Variants in PHGDH observed in about 807,000 individuals in gnomAD.
PHGDH encodes the protein phosphoglycerate dehydrogenase.
PHGDH carries 50 observed loss-of-function variants against 52.6 expected under a neutral mutation model. The ratio of observed to expected loss-of-function variants is 0.95; its 90% CI spans 0.76 to 1.20. PHGDH has a LOEUF of 1.20. Ranked by LOEUF, PHGDH falls within the 50% of genes most tolerant of loss-of-function variation. The probability of loss-of-function intolerance (pLI) is 0.00; values close to 1 mark genes in which losing one functional copy is unlikely to be tolerated. For synonymous variants in PHGDH, 271 were observed against 280.5 expected, an observed-to-expected ratio of 0.97 and a Z score of 0.34; for missense variants, 630 against 684.6, an observed-to-expected ratio of 0.92 and a Z score of 0.89.
At chr1:119,725,646 C>G (rs942950428) in intron 3 of PHGDH, among the ~76,000 whole-genome samples, 2 of 152,208 alleles carry the variant, frequency 1.3e-5, no homozygotes, top group Non-Finnish European at 2.9e-5. Context: ...GCCTTACCCT[C>G]AGATGGAGAT....
At chr1:119,723,079 C>G (rs1044897373) in intron 2 of PHGDH, among the ~76,000 whole-genome samples, 2 of 152,128 alleles carry the variant, frequency 1.3e-5, no homozygotes, top group Non-Finnish European at 2.9e-5. Flanking sequence ...GAACCACACA[C>G]AAATCTGATC....
Position 119,734,706 on chromosome 1 carries a change from G to A in PHGDH, c.583G>A (p.Glu195Lys). The change falls in exon 6 of 12, where the codon GAG becomes AAG. Residue 195 changes from glutamate to lysine, a missense_variant. Transcript: ENST00000641023. ...SFGVQQLPLE[E>K]IWPLCDFITV... ...TGGTGTTCAGCAGCTGCCCCTGGAG[G>A]AGATCTGGCCTCTCTGTGATTTCAT... 6.2e-7 allele frequency: 1 copy of A among 1,613,946 alleles called. No individual in the cohort carries two copies. Among genetic ancestry groups the A allele is most frequent in the South Asian group, 1.1e-5 (1 of 91,072 alleles).
chr1:119,723,542 C>T lies in PHGDH; in HGVS notation c.356+101C>T, dbSNP rs587755758. 3.7e-5 allele frequency: 33 copies of T among 899,458 alleles called. No individual in the cohort carries two copies. The Admixed American group carries it at 5.7e-4, about 16-fold the overall frequency. 55.7% of individuals were successfully genotyped at this position (899,458 alleles called of 1,614,324 possible). ...AGAAAAACTTAGAAACATTTCGTCT[C>T]AGCGACTTGCAGACTGCTAAGAAGG... On this transcript the variant is annotated intron_variant, in intron 3 of 11. Transcript: ENST00000641023.
intron 5 of PHGDH, among the ~76,000 whole-genome samples, chr1:119,728,275 C>T (rs1332440891): frequency 6.6e-6 from 1 of 152,118 alleles, no homozygotes; most frequent in Non-Finnish European, 1.5e-5. Context: ...GTGCTTGTGT[C>T]CTGCCCATTC....
chr1:119,741,232 G>C (rs1354662138), intron 9 of PHGDH, among the ~76,000 whole-genome samples: 1 of 152,138 alleles, frequency 6.6e-6, no homozygotes, highest in East Asian at 1.9e-4. Context: ...TCTCACAGTT[G>C]GGCAGAGATT....
intron 5 of PHGDH, chr1:119,727,808 T>A (rs934126105): frequency 6.6e-6 from 1 of 152,628 alleles, no homozygotes; most frequent in Non-Finnish European, 1.5e-5. Flanking sequence ...CACTCCAGCC[T>A]GGGCGACAGA....
intron 10 of PHGDH, chr1:119,742,569 G>A (rs1286417130): frequency 2.7e-5 from 16 of 601,228 alleles, no homozygotes; most frequent in South Asian, 3.9e-5. Flanking sequence ...CCAAGCCTTC[G>A]CCTGTGCCTG....
rs1379874871 is a variant in PHGDH, at chr1:119,743,926, G to A, written c.1488G>A (p.Gln496=). The change falls in exon 12 of 12, where the codon CAG becomes CAA. Residue 496 remains glutamine, a synonymous_variant. Transcript: ENST00000641023. The part of the protein sequence containing the change: ...AEAGVRLLSY[Q]TSLVSDGETW... ...CAGGCGTGCGGCTGCTGTCCTACCA[G>A]ACTTCACTGGTGTCAGATGGGGAGA... 1.2e-6 allele frequency: 2 copies of A among 1,613,986 alleles called. No homozygotes were observed. The highest frequency in any genetic ancestry group is 1.3e-5 in the African/African-American group (1 of 75,048).
chr1:119,712,667 C>A (rs1039791027), intron 1 of PHGDH: 6 of 153,748 alleles, frequency 3.9e-5, no homozygotes, highest in Admixed American at 1.3e-4. Context: ...CCTGCCTTGG[C>A]GGTGGCGGGG....
Position 119,725,812 on chromosome 1 carries a change from A to G in PHGDH, c.357-1039A>G, listed in dbSNP as rs587694178. 2.0e-5 allele frequency among the ~76,000 whole-genome samples: 3 copies of G among 152,320 alleles called. No homozygotes were observed. In the South Asian group the frequency reaches 6.2e-4, roughly 32 times the overall value. On this transcript the variant is annotated intron_variant, in intron 3 of 11. Transcript: ENST00000641023. The stretch of plus-strand genomic sequence containing the variant: ...GTTAAAGGCCTACATTTAAGTACTC[A>G]GGAGGCTGGCCGTGCTGGGGTTGAC...
intron 7 of PHGDH, among the ~76,000 whole-genome samples, 182 bp from the exon 8 acceptor site, chr1:119,736,932 G>A (rs966051850): frequency 2.6e-5 from 4 of 152,384 alleles, no homozygotes; most frequent in South Asian, 2.1e-4. Context: ...TGTCCACTCT[G>A]CTGAGATGGA....
chr1:119,723,528 G>C, intron 3 of PHGDH, 87 bp downstream of exon 3: 1 of 1,056,124 alleles, frequency 9.5e-7, no homozygotes, highest in South Asian at 1.3e-5. Flanking sequence ...GAAAAACTTA[G>C]AAACATTTCG....
At chr1:119,719,370 GT>G (rs1462365672) in intron 1 of PHGDH, among the ~76,000 whole-genome samples, 6 of 152,208 alleles carry the variant, frequency 3.9e-5, no homozygotes, top group Non-Finnish European at 2.9e-5. Flanking sequence ...TTGGGCTTCA[GT>G]TTTTCCTCTG....
intron 1 of PHGDH, among the ~76,000 whole-genome samples, chr1:119,715,592 G>C (rs1650894910): frequency 6.6e-6 from 1 of 152,172 alleles, no homozygotes; most frequent in Non-Finnish European, 1.5e-5. Flanking sequence ...GGCCAAGCTT[G>C]TCCCCTTGGG....
rs771259556 is a variant in PHGDH, at chr1:119,734,638, T to C, written c.515T>C (p.Ile172Thr). 5 of 1,614,032 alleles carry C rather than the reference T, an allele frequency of 3.1e-6. No individual in the cohort carries two copies. In the Admixed American group the frequency reaches 8.3e-5, roughly 27 times the overall value. Residue 172 changes from isoleucine to threonine, a missense_variant, in exon 6 of 12, where the codon ATA (isoleucine) becomes ACA (threonine). Ile to Thr is a moderately conservative substitution (Grantham distance 89). Coordinates refer to ENST00000641023, the MANE Select transcript of PHGDH (RefSeq NM_006623.4). ...TRMQSFGMKT[I>T]GYDPIISPEV... ...CTCTCTCTTGCTTCCAACCAGACTA[T>C]AGGGTATGACCCCATCATTTCCCCA...
At chr1:119,738,423 C>T (rs1652040498) in intron 8 of PHGDH, among the ~76,000 whole-genome samples, 1 of 152,218 alleles carries the variant, frequency 6.6e-6, no homozygotes, top group Non-Finnish European at 1.5e-5. Context: ...GGGCTATGAC[C>T]AGCAGCATGC....
rs755456263 is a variant in PHGDH, at chr1:119,735,318, G to T, written c.667G>T (p.Ala223Ser). ...AGGCTTGCTGAATGACAACACCTTT[G>T]CCCAGTGCAAGAAGGGGGTGCGTGT... is the stretch of plus-strand genomic sequence containing the variant. ...TTGLLNDNTF[A>S]QCKKGVRVVN... The change falls in exon 7 of 12, where the codon GCC becomes TCC. Residue 223 changes from alanine (A) to serine (S), a missense_variant. Ala to Ser is a moderately conservative substitution (Grantham distance 99). Transcript: ENST00000641023. 1.5e-5 allele frequency: 24 copies of T among 1,614,098 alleles called. No individual in the cohort carries two copies. The highest frequency in any genetic ancestry group is 1.2e-4 in the African/African-American group (9 of 74,948).
At chr1:119,723,469 A>C in intron 3 of PHGDH, 28 bp downstream of exon 3, 1 of 1,548,228 alleles carries the variant, frequency 6.5e-7, no homozygotes, top group Non-Finnish European at 8.9e-7. Context: ...CAGCAAAGCT[A>C]GTCTCTCCGA....
rs138947805 is a variant in PHGDH, at chr1:119,719,251, G to A, written c.139-1919G>A. 1.4e-4 allele frequency among the ~76,000 whole-genome samples: 22 copies of A among 152,198 alleles called. 1 individual carries two copies. Among genetic ancestry groups the A allele is most frequent in the African/African-American group, 4.6e-4 (19 of 41,528 alleles). ...GCCCATGTGACTTGTATACACCCAGGTCATAATCAGTTTAGCATAATGCCA... is the reference window on the plus strand; with the variant it reads ...GCCCATGTGACTTGTATACACCCAGATCATAATCAGTTTAGCATAATGCCA... On this transcript the variant is annotated intron_variant, in intron 1 of 11. Transcript: ENST00000641023.
Sources: allele counts gnomAD v4.1 joint callset (sites outside exome capture counted in the v4.1 genomes callset), GRCh38; gene constraint gnomAD v4.1.1; transcripts MANE v1.5; gene names NCBI Gene and HGNC (gene_info 2026-07-23, HGNC 2026-07-21).